The following RAB38 variants were observed in gnomAD, a reference collection of about 807,000 sequenced individuals.
RAB38 encodes the protein RAB38, member RAS oncogene family, also known as ras-related protein Rab-38.
A neutral mutation model predicts 18.4 loss-of-function variants in RAB38; 15 were observed. The ratio of observed to expected loss-of-function variants is 0.82; its 90% CI spans 0.55 to 1.26. The LOEUF (loss-of-function observed/expected upper bound fraction) is 1.26. Ranked by LOEUF, RAB38 falls within the 50% of genes most tolerant of loss-of-function variation. The probability of loss-of-function intolerance (pLI) is 0.00; values close to 1 mark genes in which losing one functional copy is unlikely to be tolerated. For missense variants in RAB38, 294 were observed against 267.4 expected (o/e 1.10, Z -0.69); for synonymous variants, 101 against 104.4 (o/e 0.97, Z 0.20).
the RAB38 span, among the ~76,000 whole-genome samples, chr11:87,920,265 G>A: frequency 1.3e-5 from 2 of 151,648 alleles, no homozygotes; most frequent in African/African-American, 2.4e-5. Context: ...CTTTTTTGAT[G>A]TAGGAATTTA....
At chr11:87,838,672 A>G in the RAB38 span, among the ~76,000 whole-genome samples, 2 of 152,182 alleles carry the variant, frequency 1.3e-5, no homozygotes, top group East Asian at 1.9e-4. Flanking sequence ...AACGCCAGTG[A>G]TGTGGGTGTA....
At position 88,149,899 on chromosome 11, in the gene RAB38, A is replaced by G; in HGVS notation, c.259T>C (p.Phe87Leu). 6.2e-7 allele frequency: 1 copy of G among 1,613,898 alleles called. No homozygotes were observed. Among genetic ancestry groups the G allele is most frequent in the South Asian group, 1.1e-5 (1 of 91,060 alleles). ...GGCCTGGTGACATCGAAGACAATAA[A>G]TGCACCCATAGCTTCTCGGTAATAG... Reference protein sequence around the residue: ...RVYYREAMGAFIVFDVTRPAT... With the variant: ...RVYYREAMGALIVFDVTRPAT... Residue 87 changes from phenylalanine (F) to leucine (L), a missense_variant, in exon 2 of 3, where the codon TTT becomes CTT. Physicochemically the swap from Phe to Leu is conservative, Grantham distance 22. Transcript: ENST00000243662.
chr11:88,017,714 A>G, the RAB38 span, among the ~76,000 whole-genome samples: 1 of 145,410 alleles, frequency 6.9e-6, no homozygotes, highest in Non-Finnish European at 1.5e-5. Flanking sequence ...ATATATATAT[A>G]TAATATATAT....
At chr11:87,975,959 T>C in the RAB38 span, among the ~76,000 whole-genome samples, 6,137 of 151,344 alleles carry the variant, frequency 0.041, 157 homozygotes, top group South Asian at 0.096. Context: ...GAACAATCAA[T>C]CTCTTAAATA....
chr11:88,030,705 A>G, the RAB38 span, among the ~76,000 whole-genome samples: 1 of 152,346 alleles, frequency 6.6e-6, no homozygotes, highest in African/African-American at 2.4e-5. Context: ...GAATAGACCA[A>G]TAACAGGAGC....
chr11:88,070,919 C>T, the RAB38 span, among the ~76,000 whole-genome samples: 1 of 152,158 alleles, frequency 6.6e-6, no homozygotes, highest in African/African-American at 2.4e-5. Flanking sequence ...AAGGAAATGG[C>T]TGCCATAATA....
At chr11:87,849,443 A>G in the RAB38 span, among the ~76,000 whole-genome samples, 1 of 152,168 alleles carries the variant, frequency 6.6e-6, no homozygotes, top group African/African-American at 2.4e-5. Context: ...CTCTGTATAA[A>G]AAGAGATTAG....
At chr11:88,096,957 A>G in the RAB38 span, among the ~76,000 whole-genome samples, 1 of 149,014 alleles carries the variant, frequency 6.7e-6, no homozygotes, top group African/African-American at 2.6e-5. Context: ...AAAAAAACAC[A>G]TTTCTTTATC....
intron 1 of RAB38, among the ~76,000 whole-genome samples, chr11:88,162,382 C>T (rs541051594): frequency 1.1e-4 from 17 of 152,232 alleles, no homozygotes; most frequent in African/African-American, 4.1e-4. Flanking sequence ...CTGTGACAAG[C>T]ACTGCACTCT....
At chr11:87,976,286 A>ATG in the RAB38 span, among the ~76,000 whole-genome samples, 1 of 144,774 alleles carries the variant, frequency 6.9e-6, no homozygotes, top group Non-Finnish European at 1.5e-5. Flanking sequence ...GTATATATAT[A>ATG]TATACATACA....
At chr11:88,124,458 G>A (rs1942667366) in intron 2 of RAB38, among the ~76,000 whole-genome samples, 1 of 152,116 alleles carries the variant, frequency 6.6e-6, no homozygotes, top group African/African-American at 2.4e-5. Flanking sequence ...CAATAAGTGG[G>A]CGAAGGATAT....
chr11:88,159,562 C>T (rs1173332352), intron 1 of RAB38, among the ~76,000 whole-genome samples: 1 of 151,930 alleles, frequency 6.6e-6, no homozygotes, highest in Non-Finnish European at 1.5e-5. Flanking sequence ...CCAAAGGCAT[C>T]ACATTACTCA....
At chr11:88,041,464 CGTTTTACCCAAACGATTCAGA>C in the RAB38 span, among the ~76,000 whole-genome samples, 2 of 152,210 alleles carry the variant, frequency 1.3e-5, no homozygotes, top group African/African-American at 2.4e-5. Flanking sequence ...TTTTGTTACA[CGTTTTACCCAAACGATTCAGA>C]GTTTTACCCA....
chr11:88,078,501 A>ATATGTGTGTGTGTGTGTGTGTGTGTG, the RAB38 span, among the ~76,000 whole-genome samples: 1 of 148,682 alleles, frequency 6.7e-6, no homozygotes, highest in African/African-American at 2.5e-5. Flanking sequence ...GTGTGTATAT[A>ATATGTGTGTGTGTGTGTGTGTGTGTG]TGTGTGTGTG....
intron 2 of RAB38, among the ~76,000 whole-genome samples, chr11:88,115,021 G>C (rs778495326): frequency 9.2e-5 from 14 of 152,116 alleles, no homozygotes; most frequent in African/African-American, 3.1e-4. Flanking sequence ...ACTTGAATTT[G>C]GAAAAAATAT....
At chr11:87,852,124 G>T in the RAB38 span, among the ~76,000 whole-genome samples, 1 of 151,898 alleles carries the variant, frequency 6.6e-6, no homozygotes, top group East Asian at 1.9e-4. Context: ...CTCTGTGTCC[G>T]TGTGTCTTTA....
chr11:88,120,132 C>G (rs1175705980), intron 2 of RAB38, among the ~76,000 whole-genome samples: 1 of 152,174 alleles, frequency 6.6e-6, no homozygotes, highest in Non-Finnish European at 1.5e-5. Flanking sequence ...TACTGGGGCT[C>G]CCCTAAACTG....
chr11:87,971,039 C>T, the RAB38 span, among the ~76,000 whole-genome samples: 2 of 152,062 alleles, frequency 1.3e-5, no homozygotes, highest in Admixed American at 6.6e-5. Context: ...ACTAAAAAGG[C>T]TCATTTTACA....
chr11:87,847,543 C>A, the RAB38 span, among the ~76,000 whole-genome samples: 2 of 152,048 alleles, frequency 1.3e-5, no homozygotes, highest in East Asian at 3.8e-4. Context: ...CTCCTCTAGG[C>A]CTTGGGTTTC....
Sources: allele counts gnomAD v4.1 joint callset (sites outside exome capture counted in the v4.1 genomes callset), GRCh38; gene constraint gnomAD v4.1.1; transcripts MANE v1.5; gene names NCBI Gene and HGNC (gene_info 2026-07-23, HGNC 2026-07-21).